Variants in TXNRD1 observed in about 807,000 individuals in gnomAD.
TXNRD1 encodes thioredoxin reductase 1, also known as thioredoxin reductase 1, cytoplasmic.
Under a neutral mutation model 80.3 loss-of-function variants are expected in TXNRD1, and 57 were observed. The observed-to-expected ratio is 0.71, with a 90% confidence interval of 0.57 to 0.89. The LOEUF (loss-of-function observed/expected upper bound fraction) is 0.89. Ranked by LOEUF, TXNRD1 falls within the 40% of genes least tolerant of loss-of-function variation. The pLI is 0.00. For missense variants in TXNRD1, 730 were observed against 803.0 expected, an observed-to-expected ratio of 0.91 and a Z score of 1.10; for synonymous variants, 291 against 285.2, an observed-to-expected ratio of 1.02 and a Z score of -0.20.
In TXNRD1 at chr12:104,251,533, A is replaced by T. The variant is rs768840448; in HGVS notation, c.98A>T (p.Asp33Val). Residue 33 changes from aspartate to valine, a missense_variant, in exon 2 of 17, where the codon GAT becomes GTT. Asp to Val is a radical substitution (Grantham distance 152). Coordinates refer to ENST00000525566, the MANE Select transcript of TXNRD1 (RefSeq NM_001093771.3). ...TTACTTCCATTACTTCTAGCTAAAGATCATCACCCTGGTAAAACTTTGCCA... is the reference window on the plus strand; with the variant it reads ...TTACTTCCATTACTTCTAGCTAAAGTTCATCACCCTGGTAAAACTTTGCCA... ...NGDGRRRSAK[D>V]HHPGKTLPEN... 1 of 1,613,710 alleles carries T rather than the reference A, an allele frequency of 6.2e-7. No individual in the cohort carries two copies. The highest frequency in any genetic ancestry group is 8.5e-7 in the Non-Finnish European group (1 of 1,179,804).
At chr12:104,272,593 G>A (rs2033674196) in intron 3 of TXNRD1, among the ~76,000 whole-genome samples, 1 of 152,124 alleles carries the variant, frequency 6.6e-6, no homozygotes, top group South Asian at 2.1e-4. Context: ...AGGAGATCAA[G>A]ACCATCCTGG....
intron 1 of TXNRD1, among the ~76,000 whole-genome samples, chr12:104,240,505 A>ATATG (rs1467578614): frequency 2.0e-5 from 3 of 152,246 alleles, no homozygotes; most frequent in African/African-American, 7.2e-5. Flanking sequence ...TTTTCTGTAT[A>ATATG]TATGTATAAA....
chr12:104,323,961 C>A (rs1157142595), intron 10 of TXNRD1, among the ~76,000 whole-genome samples: 1 of 152,158 alleles, frequency 6.6e-6, no homozygotes, highest in Non-Finnish European at 1.5e-5. Context: ...TAAACTCTTG[C>A]TGTATTATAA....
chr12:104,260,482 A>C (rs568049878), intron 3 of TXNRD1, among the ~76,000 whole-genome samples: 5 of 152,026 alleles, frequency 3.3e-5, no homozygotes, highest in South Asian at 4.2e-4. Context: ...AACAAACAAA[A>C]AAAAAACACA....
chr12:104,250,441 T>C (rs1181191388), intron 1 of TXNRD1, among the ~76,000 whole-genome samples: 1 of 152,250 alleles, frequency 6.6e-6, no homozygotes, highest in Non-Finnish European at 1.5e-5. Flanking sequence ...AAGACTTCTA[T>C]ATTTTAAAGC....
At chr12:104,254,644 A>AAAAAAATATATATATATATATATATAT in intron 2 of TXNRD1, among the ~76,000 whole-genome samples, 5 of 93,632 alleles carry the variant, frequency 5.3e-5, no homozygotes, top group African/African-American at 2.1e-4. Context: ...AAAAAAAAAA[A>AAAAAAATATATATATATATATATATAT]ATATATATAT....
chr12:104,332,445 T>C (rs979259825), intron 14 of TXNRD1, among the ~76,000 whole-genome samples: 2 of 152,154 alleles, frequency 1.3e-5, no homozygotes, highest in Admixed American at 1.3e-4. Context: ...AACCTTTTTT[T>C]CTGATTATAA....
chr12:104,339,263 T>C lies in TXNRD1; in HGVS notation c.1871T>C (p.Val624Ala). The change falls in exon 16 of 17, where the codon GTC becomes GCC. Residue 624 changes from valine to alanine, a missense_variant. Val to Ala is a moderately conservative substitution (Grantham distance 64). Transcript: ENST00000525566. Reference sequence around the variant, plus strand: ...GACAGCACAATTGGAATCCACCCTGTCTGTGCAGAGGTGGGTCATCTACAC... The same window carrying C: ...GACAGCACAATTGGAATCCACCCTGCCTGTGCAGAGGTGGGTCATCTACAC... ...QLDSTIGIHPVCAEVFTTLSV... is the reference protein window; with the variant it reads ...QLDSTIGIHPACAEVFTTLSV... 1 of 1,613,856 alleles carries C rather than the reference T, an allele frequency of 6.2e-7. No homozygotes were observed. Among genetic ancestry groups the C allele is most frequent in the Non-Finnish European group, 8.5e-7 (1 of 1,179,846 alleles).
At chr12:104,268,780 G>A (rs915480954) in intron 3 of TXNRD1, among the ~76,000 whole-genome samples, 1 of 151,926 alleles carries the variant, frequency 6.6e-6, no homozygotes, top group African/African-American at 2.4e-5. Context: ...GCCTCTCAAA[G>A]TGATGGGATT....
At chr12:104,304,380 C>T (rs1392226446) in intron 4 of TXNRD1, 2 of 1,614,028 alleles carry the variant, frequency 1.2e-6, no homozygotes, top group South Asian at 1.1e-5. Context: ...ATAGCTCTTT[C>T]CTTCTGGAAG....
intron 3 of TXNRD1, among the ~76,000 whole-genome samples, chr12:104,284,779 G>C (rs1049430919): frequency 6.6e-6 from 1 of 152,204 alleles, no homozygotes; most frequent in African/African-American, 2.4e-5. Flanking sequence ...CATTTCAGAT[G>C]AGCTTTGAAG....
chr12:104,348,781 G>T lies in TXNRD1; in HGVS notation c.*360G>T, dbSNP rs1388457167. The T allele has an allele frequency of 1.4e-5, 3 of 218,400 alleles. No individual in the cohort carries two copies. The highest frequency in any genetic ancestry group is 2.7e-5 in the Non-Finnish European group (3 of 110,180). 13.5% of individuals were successfully genotyped at this position (218,400 alleles called of 1,614,324 possible). A position where few individuals can be genotyped will look rare whatever the true frequency, so the allele number is the denominator to read the frequency against. ...TATTCTCGTTGTCAAGTTTTCTAGG[G>T]TTGAATTTTTTTCTTTTTTCTCCAT... is the stretch of plus-strand genomic sequence containing the variant. On this transcript the variant is annotated 3_prime_UTR_variant, in exon 17 of 17. Transcript: ENST00000525566.
chr12:104,333,477 A>AT (rs2036031041), intron 14 of TXNRD1, among the ~76,000 whole-genome samples: 1 of 152,150 alleles, frequency 6.6e-6, no homozygotes, highest in Non-Finnish European at 1.5e-5. Flanking sequence ...TTTTTCCTAT[A>AT]TAATTGTGAT....
At chr12:104,316,825 GT>G (rs1411840888) in intron 7 of TXNRD1, among the ~76,000 whole-genome samples, 2 of 152,132 alleles carry the variant, frequency 1.3e-5, no homozygotes, top group Non-Finnish European at 2.9e-5. Context: ...GTGATTTGAG[GT>G]TTGAGACCTA....
chr12:104,333,287 A>G (rs2036022975), intron 14 of TXNRD1, among the ~76,000 whole-genome samples: 1 of 151,962 alleles, frequency 6.6e-6, no homozygotes, highest in Admixed American at 6.6e-5. Context: ...TTTTTAATAT[A>G]TATTTCATAT....
intron 4 of TXNRD1, among the ~76,000 whole-genome samples, chr12:104,299,182 C>T (rs998872652): frequency 1.3e-5 from 2 of 152,126 alleles, no homozygotes. Context: ...ATAAGTGGAT[C>T]TGTGCAATTC....
intron 4 of TXNRD1, among the ~76,000 whole-genome samples, chr12:104,293,063 C>T (rs533575591): frequency 1.3e-5 from 2 of 152,246 alleles, no homozygotes; most frequent in African/African-American, 2.4e-5. Context: ...AAAGATGTGG[C>T]TTTCATAAAC....
intron 4 of TXNRD1, among the ~76,000 whole-genome samples, chr12:104,306,889 G>C (rs1283159312): frequency 1.3e-5 from 2 of 152,154 alleles, no homozygotes; most frequent in African/African-American, 4.8e-5. Context: ...ACAGCAAAAA[G>C]ATCCCGCCCC....
intron 3 of TXNRD1, among the ~76,000 whole-genome samples, chr12:104,277,970 G>A (rs2033791368): frequency 7.1e-6 from 1 of 141,584 alleles, no homozygotes; most frequent in Admixed American, 7.3e-5. Context: ...TCCGCCTCCC[G>A]GGTTCACTCC....
Sources: allele counts gnomAD v4.1 joint callset (sites outside exome capture counted in the v4.1 genomes callset), GRCh38; gene constraint gnomAD v4.1.1; transcripts MANE v1.5; gene names NCBI Gene and HGNC (gene_info 2026-07-23, HGNC 2026-07-21).